Variants in PAPPA2 observed in about 807,000 individuals in gnomAD.
PAPPA2 encodes the protein pappalysin 2.
PAPPA2 carries 86 observed loss-of-function variants against 176.4 expected under a neutral mutation model. The ratio of observed to expected loss-of-function variants is 0.49; its 90% CI spans 0.41 to 0.58. The LOEUF (loss-of-function observed/expected upper bound fraction) is 0.58. Ranked by LOEUF, PAPPA2 falls within the 20% of genes least tolerant of loss-of-function variation. The pLI, the probability that PAPPA2 is intolerant of heterozygous loss-of-function variation, is 0.00. For synonymous variants in PAPPA2, 809 were observed against 852.2 expected (o/e 0.95, Z 0.88); for missense variants, 2,073 against 2,256.9 (o/e 0.92, Z 1.65).
rs1667539872 is a variant in PAPPA2, at chr1:176,842,941, GT to G, written c.*490del. 6.6e-6 allele frequency: 1 copy of G among 151,434 alleles called. No individual in the cohort carries two copies. The highest frequency in any genetic ancestry group is 6.6e-5 in the Admixed American group (1 of 15,174). 9.4% of individuals were successfully genotyped at this position (151,434 alleles called of 1,614,324 possible). A position where few individuals can be genotyped will look rare whatever the true frequency, so the allele number is the denominator to read the frequency against. On this transcript the variant is annotated 3_prime_UTR_variant, in exon 23 of 23. Transcript: ENST00000367662. ...AACTGGCTCTTTTTCTTTTTGTGTA[GT>G]TTCCCTTAAATAATGAAGTTAGTTA...
intron 3 of PAPPA2, among the ~76,000 whole-genome samples, chr1:176,612,222 C>T (rs1001741026): frequency 6.6e-6 from 1 of 151,958 alleles, no homozygotes; most frequent in Non-Finnish European, 1.5e-5. Flanking sequence ...GGTGGAACCC[C>T]GTCTCTGCTA....
At chr1:176,702,977 C>T (rs979439106) in intron 9 of PAPPA2, among the ~76,000 whole-genome samples, 1 of 151,954 alleles carries the variant, frequency 6.6e-6, no homozygotes, top group African/African-American at 2.4e-5. Flanking sequence ...ATGGAGGAAC[C>T]CACTTTTACT....
intron 3 of PAPPA2, among the ~76,000 whole-genome samples, chr1:176,655,244 G>A (rs987389625): frequency 6.6e-6 from 1 of 151,660 alleles, no homozygotes; most frequent in African/African-American, 2.4e-5. Flanking sequence ...GATGTGTTCC[G>A]TCTATGCCTA....
intron 1 of PAPPA2, among the ~76,000 whole-genome samples, chr1:176,498,953 T>A (rs1647801727): frequency 6.6e-6 from 1 of 152,142 alleles, no homozygotes; most frequent in African/African-American, 2.4e-5. Context: ...CTTGTTTTTC[T>A]CCCTCCTTCT....
intron 1 of PAPPA2, among the ~76,000 whole-genome samples, chr1:176,514,441 C>T (rs758900429): frequency 2.0e-5 from 3 of 152,182 alleles, no homozygotes; most frequent in Non-Finnish European, 4.4e-5. Context: ...GATCAAATTT[C>T]AACGTGGATT....
intron 1 of PAPPA2, among the ~76,000 whole-genome samples, chr1:176,469,845 A>G (rs1300200541): frequency 6.6e-6 from 1 of 152,170 alleles, no homozygotes; most frequent in Non-Finnish European, 1.5e-5. Flanking sequence ...CAGGGCCACA[A>G]GCACGTGGTT....
At chr1:176,646,780 A>G (rs1337252875) in intron 3 of PAPPA2, among the ~76,000 whole-genome samples, 2 of 151,636 alleles carry the variant, frequency 1.3e-5, no homozygotes, top group Non-Finnish European at 3.0e-5. Context: ...CATTGCATCT[A>G]CGTATCACAT....
chr1:176,799,277 GAA>G (rs1299004956), intron 20 of PAPPA2, among the ~76,000 whole-genome samples: 2 of 152,124 alleles, frequency 1.3e-5, no homozygotes, highest in African/African-American at 2.4e-5. Flanking sequence ...AAAAGAAAAA[GAA>G]AAAAGTTTTG....
At chr1:176,537,146 A>T (rs368236211) in intron 1 of PAPPA2, among the ~76,000 whole-genome samples, 3 of 152,206 alleles carry the variant, frequency 2.0e-5, no homozygotes, top group Non-Finnish European at 4.4e-5. Flanking sequence ...AACTTTCTTT[A>T]TAGATTCTCC....
intron 7 of PAPPA2, among the ~76,000 whole-genome samples, chr1:176,698,145 G>A (rs1376883907): frequency 1.3e-5 from 2 of 152,060 alleles, no homozygotes; most frequent in African/African-American, 4.8e-5. Context: ...TCTGGGCTTT[G>A]GGACATAATT....
intron 1 of PAPPA2, among the ~76,000 whole-genome samples, chr1:176,480,752 A>G (rs1033257602): frequency 2.6e-5 from 4 of 151,860 alleles, no homozygotes; most frequent in Non-Finnish European, 5.9e-5. Flanking sequence ...AGTTAGGACC[A>G]CCCCTTCTCC....
chr1:176,812,517 C>A (rs977157250), intron 21 of PAPPA2, among the ~76,000 whole-genome samples: 5 of 152,110 alleles, frequency 3.3e-5, no homozygotes, highest in Admixed American at 2.0e-4. Flanking sequence ...AATCATGGCA[C>A]AAATACATTA....
rs117898944 is a variant in PAPPA2 at position 176,584,807 on chromosome 1, G to A, written c.920-9717G>A. Among the ~76,000 whole-genome samples the A allele has an allele frequency of 3.7e-3, 563 of 151,922 alleles. 13 individuals are homozygous for A. In the East Asian group the frequency reaches 0.081, roughly 22 times the overall value. On this transcript the variant is annotated intron_variant, in intron 2 of 22. Coordinates refer to ENST00000367662, the MANE Select transcript of PAPPA2 (RefSeq NM_020318.3). Reference sequence around the variant, plus strand: ...TGGAATGCAGGGGTGCCATCTCGGCGCAGTGCAACCTCCGCCTCCCAGGTT... The same window carrying A: ...TGGAATGCAGGGGTGCCATCTCGGCACAGTGCAACCTCCGCCTCCCAGGTT...
chr1:176,815,540 A>G (rs1043920838), intron 21 of PAPPA2, among the ~76,000 whole-genome samples: 3 of 152,166 alleles, frequency 2.0e-5, no homozygotes, highest in Admixed American at 1.3e-4. Context: ...ATACATGTAT[A>G]TGTATTGTAA....
Position 176,843,098 on chromosome 1 carries a change from T to A in PAPPA2, c.*644T>A, listed in dbSNP as rs1290363425. 6.6e-6 allele frequency: 1 copy of A among 152,072 alleles called. No homozygotes were observed. Among genetic ancestry groups the A allele is most frequent in the Non-Finnish European group, 1.5e-5 (1 of 68,000 alleles). The allele number at this position is 152,072 out of a possible 1,614,324, so 9.4% of individuals were successfully genotyped here. On this transcript the variant is annotated 3_prime_UTR_variant, in exon 23 of 23. Coordinates refer to ENST00000367662, the MANE Select transcript of PAPPA2 (RefSeq NM_020318.3). ...CTGTGAAGTTCACATTCAAGATGAA[T>A]GTTGAGACTTTGAGGACAGAAAGGC...
At chr1:176,475,582 G>T (rs1273722878) in intron 1 of PAPPA2, among the ~76,000 whole-genome samples, 5 of 152,156 alleles carry the variant, frequency 3.3e-5, no homozygotes, top group Non-Finnish European at 5.9e-5. Flanking sequence ...AGTCCTCCAG[G>T]ATGGGAACTG....
rs551715270 is a variant in PAPPA2, at chr1:176,567,701, CA to C, written c.919+10463del. ...CGGATTATTAAATTTGTTTTAATAA[CA>C]AATTATATGTGTATATGTAAACAGA... On this transcript the variant is annotated intron_variant, in intron 2 of 22. Transcript: ENST00000367662. Among the ~76,000 whole-genome samples the C allele has an allele frequency of 4.7e-3, 717 of 152,138 alleles. 13 individuals carry two copies. Among genetic ancestry groups the C allele is most frequent in the African/African-American group, 0.016 (647 of 41,492 alleles).
intron 17 of PAPPA2, among the ~76,000 whole-genome samples, chr1:176,786,418 G>A (rs2102932276): frequency 6.6e-6 from 1 of 152,256 alleles, no homozygotes; most frequent in South Asian, 2.1e-4. Flanking sequence ...ATTCTTAGGG[G>A]CTAGACATGT....
chr1:176,777,736 G>C (rs913640365), intron 17 of PAPPA2, among the ~76,000 whole-genome samples: 1 of 151,990 alleles, frequency 6.6e-6, no homozygotes, highest in Non-Finnish European at 1.5e-5. Flanking sequence ...TTTTTGTAAG[G>C]AATAAATGAG....
Sources: allele counts gnomAD v4.1 joint callset (sites outside exome capture counted in the v4.1 genomes callset), GRCh38; gene constraint gnomAD v4.1.1; transcripts MANE v1.5; gene names NCBI Gene and HGNC (gene_info 2026-07-23, HGNC 2026-07-21).